PES1: variants seen among roughly 807,000 people sequenced by gnomAD.
The protein encoded by PES1 is pescadillo ribosomal biogenesis factor 1.
PES1 carries 31 observed loss-of-function variants against 77.1 expected under a neutral mutation model. The ratio of observed to expected loss-of-function variants is 0.40; its 90% CI spans 0.30 to 0.54. PES1 has a LOEUF of 0.54. Ranked by LOEUF, PES1 falls within the 20% of genes least tolerant of loss-of-function variation. PES1 has a pLI of 0.45. For synonymous variants in PES1, 282 were observed against 303.0 expected (o/e 0.93, Z 0.72); for missense variants, 658 against 771.7 (o/e 0.85, Z 1.75).
At chr22:30,593,119 T>C (rs1161591339), upstream of PES1, among the ~76,000 whole-genome samples, 1 of 152,162 alleles carries the variant, frequency 6.6e-6, no homozygotes, top group East Asian at 1.9e-4. Flanking sequence ...CACTGGTGAA[T>C]ACTTGTTTTG....
chr22:30,587,957 C>A, intron 3 of PES1, 64 bp downstream of exon 3: 1 of 1,544,220 alleles, frequency 6.5e-7, no homozygotes, highest in Non-Finnish European at 8.9e-7. Flanking sequence ...CCCAAGGTCA[C>A]AGTTAGTTAG....
chr22:30,587,022 C>G, intron 4 of PES1: 1 of 438,632 alleles, frequency 2.3e-6, no homozygotes, highest in South Asian at 2.6e-5. Flanking sequence ...GGGGCCTTTG[C>G]ACTTGCCATG....
chr22:30,598,134 G>A lies in PES1; in HGVS notation c.-660-5736C>T, dbSNP rs1041884387. On this transcript the variant is annotated intron_variant, in intron 2 of 16. Transcript: ENST00000402281. Reference sequence around the variant, plus strand: ...GCAGTTGAAGTTTTATTCTTTCACTGTTTGCAATAACTCTTACTGCTGCTC... The same window carrying A: ...GCAGTTGAAGTTTTATTCTTTCACTATTTGCAATAACTCTTACTGCTGCTC... Among the ~76,000 whole-genome samples, 3 of 152,222 alleles carry A rather than the reference G, an allele frequency of 2.0e-5. No individual in the cohort carries two copies. The South Asian group carries it at 6.2e-4, about 32-fold the overall frequency.
chr22:30,591,887 TC>T lies in PES1; in HGVS notation c.-55del. ...CGCGCGTACAGGGAGCTCCACTTCC[TC>T]CCGCACGTGCCCTGCCAAGGACCCC... On this transcript the variant is annotated 5_prime_UTR_variant, in exon 1 of 15. Transcript: ENST00000354694. 1 of 1,530,842 alleles carries T rather than the reference TC, an allele frequency of 6.5e-7. No individual in the cohort carries two copies. 94.8% of individuals were successfully genotyped at this position (1,530,842 alleles called of 1,614,324 possible). A position where few individuals can be genotyped will look rare whatever the true frequency, so the allele number is the denominator to read the frequency against.
At chr22:30,597,099 G>A (rs988515125) in intron 2 of PES1, among the ~76,000 whole-genome samples, 3 of 152,124 alleles carry the variant, frequency 2.0e-5, no homozygotes, top group Non-Finnish European at 2.9e-5. Flanking sequence ...CTGCCTCCCC[G>A]TGGGGCAGGG....
intron 2 of PES1, among the ~76,000 whole-genome samples, chr22:30,588,906 G>A (rs888671078): frequency 7.9e-5 from 12 of 152,202 alleles, no homozygotes; most frequent in Non-Finnish European, 1.6e-4. Flanking sequence ...ACCCCTAGTT[G>A]CAGGATCAGG....
At chr22:30,597,879 T>G (rs887434496) in intron 2 of PES1, among the ~76,000 whole-genome samples, 3 of 47,560 alleles carry the variant, frequency 6.3e-5, no homozygotes, top group African/African-American at 2.3e-4. Flanking sequence ...CAGTTGAAGT[T>G]TTGTTTTTTT....
chr22:30,577,050 T>G lies in PES1; in HGVS notation c.1763A>C (p.Glu588Ala). ...CCTGTGAGGGGCCGCAGGCACTCAC[T>G]CCGGCCTTGCCTTCTTGGCCTTCTT... ...SEKKAKKARPE is the reference protein window; with the variant it reads ...SEKKAKKARPA The change falls in exon 15 of 15, where the codon GAG becomes GCG. Residue 588 changes from glutamate to alanine, a missense_variant. Physicochemically the swap from Glu to Ala is moderately radical, Grantham distance 107. Coordinates refer to ENST00000354694, the MANE Select transcript of PES1 (RefSeq NM_014303.4). 1 of 1,613,426 alleles carries G rather than the reference T, an allele frequency of 6.2e-7. No homozygotes were observed. Among genetic ancestry groups the G allele is most frequent in the Non-Finnish European group, 8.5e-7 (1 of 1,179,760 alleles).
In PES1 at chr22:30,582,645, T is replaced by TG. The variant is rs1322478420; in HGVS notation, c.631-1002dup. On this transcript the variant is annotated intron_variant, in intron 6 of 14. Transcript: ENST00000354694. ...ACGTGAAAATCAGTAGTGATCACCA[T>TG]GGGTGCCGGGTGTGCCCATGACTCT... Among the ~76,000 whole-genome samples, 3 of 152,154 alleles carry TG rather than the reference T, an allele frequency of 2.0e-5. No homozygotes were observed. The East Asian group carries it at 5.8e-4, about 29-fold the overall frequency.
chr22:30,588,471 T>C (rs1191116723), intron 2 of PES1, among the ~76,000 whole-genome samples: 1 of 152,058 alleles, frequency 6.6e-6, no homozygotes. Context: ...GCTGGTGTGT[T>C]TGAAGGAATA....
rs368722403 is a variant in PES1, at chr22:30,587,064, G to C, written c.368+222C>G. On this transcript the variant is annotated intron_variant, in intron 4 of 14. Transcript: ENST00000354694. ...GCTTGGATTGTGCTTCCGCGGGCTG[G>C]CTCAAACGTCTCCCTTCAGAGACCC... The C allele has an allele frequency of 9.6e-5, 51 of 529,836 alleles. No homozygotes were observed. In the East Asian group the frequency reaches 1.3e-3, roughly 14 times the overall value. The allele number at this position is 529,836 out of a possible 1,614,324, so 32.8% of individuals were successfully genotyped here.
chr22:30,588,971 C>A (rs1393735775), intron 2 of PES1, among the ~76,000 whole-genome samples: 1 of 152,156 alleles, frequency 6.6e-6, no homozygotes, highest in East Asian at 1.9e-4. Context: ...CCCAGCCCAT[C>A]CCAGCCCAGC....
chr22:30,606,212 C>T (rs1244914540), intron 1 of PES1, among the ~76,000 whole-genome samples: 3 of 151,932 alleles, frequency 2.0e-5, no homozygotes, highest in Non-Finnish European at 4.4e-5. Context: ...CTTTGTGTCT[C>T]GATTCAATCT....
chr22:30,602,192 G>T (rs1294089839), intron 2 of PES1, among the ~76,000 whole-genome samples: 3 of 152,126 alleles, frequency 2.0e-5, no homozygotes, highest in Admixed American at 1.3e-4. Flanking sequence ...GATCATGGAG[G>T]TGGTTTCCCC....
chr22:30,587,165 G>A, intron 4 of PES1, 121 bp downstream of exon 4: 1 of 745,656 alleles, frequency 1.3e-6, no homozygotes, highest in Non-Finnish European at 2.3e-6. Flanking sequence ...CTGTGTCCTT[G>A]AAAAAGTTGC....
chr22:30,598,786 G>A (rs1308943206), intron 2 of PES1, among the ~76,000 whole-genome samples: 3 of 146,226 alleles, frequency 2.1e-5, no homozygotes, highest in Admixed American at 7.0e-5. Context: ...TACATATGTT[G>A]TATATTGTGT....
At chr22:30,587,825 T>C (rs1222910325) in intron 3 of PES1, among the ~76,000 whole-genome samples, 196 bp downstream of exon 3, 4 of 151,990 alleles carry the variant, frequency 2.6e-5, no homozygotes, top group South Asian at 2.1e-4. Context: ...CCCAGAAAAA[T>C]GCAACGGAGT....
At chr22:30,593,629 T>C (rs185709619), upstream of PES1, among the ~76,000 whole-genome samples, 1 of 152,246 alleles carries the variant, frequency 6.6e-6, no homozygotes, top group East Asian at 1.9e-4. Flanking sequence ...CCCTCACAAA[T>C]CACCTAGCTC....
chr22:30,587,179 C>T, intron 4 of PES1, 107 bp downstream of exon 4: 1 of 811,310 alleles, frequency 1.2e-6, no homozygotes, highest in Non-Finnish European at 2.1e-6. Flanking sequence ...AAGTTGCAAG[C>T]TCTTTGAGCA....
Sources: allele counts gnomAD v4.1 joint callset (sites outside exome capture counted in the v4.1 genomes callset), GRCh38; gene constraint gnomAD v4.1.1; transcripts MANE v1.5; gene names NCBI Gene and HGNC (gene_info 2026-07-23, HGNC 2026-07-21).